DTHD1: variants seen among roughly 807,000 people sequenced by gnomAD.
The protein encoded by DTHD1 is death domain-containing protein 1.
In DTHD1, 59 loss-of-function variants were observed where a neutral mutation model predicts 74.8. That is an observed-to-expected ratio of 0.79 (90% CI 0.64 to 0.98). DTHD1 has a LOEUF of 0.98. Among genes scored for constraint, DTHD1 ranks in the 50% least tolerant of loss-of-function variants. DTHD1 has a pLI of 0.00. For missense variants in DTHD1, 1,051 were observed against 1,065.4 expected (o/e 0.99, Z 0.19); for synonymous variants, 365 against 371.1 (o/e 0.98, Z 0.19).
At chr4:36,312,349 C>T (rs1188264145) in intron 7 of DTHD1, among the ~76,000 whole-genome samples, 1 of 151,898 alleles carries the variant, frequency 6.6e-6, no homozygotes, top group Non-Finnish European at 1.5e-5. Context: ...TCTATCTCTA[C>T]ACCTATATAA....
Position 36,343,675 on chromosome 4 carries a change from T to C in DTHD1, c.2572T>C (p.Ser858Pro). Residue 858 changes from serine (S) to proline (P), a missense_variant, in exon 10 of 10, where the codon TCG (serine) becomes CCG (proline). Transcript: ENST00000639862. ...CGAGTTTCTTTGCTTCTGGAAAAAA[T>C]CGCTTCCAACTTTCACCGACAAACT... ...IHEFLCFWKK[S>P]LPTFTDKLRL... 1.3e-6 allele frequency: 2 copies of C among 1,551,692 alleles called. No individual in the cohort carries two copies. Among genetic ancestry groups the C allele is most frequent in the African/African-American group, 1.4e-5 (1 of 73,108 alleles).
Position 36,343,896 on chromosome 4 carries a change from T to C in DTHD1, c.*72T>C. The C allele has an allele frequency of 7.3e-7, 1 of 1,365,602 alleles. No homozygotes were observed. The highest frequency in any genetic ancestry group is 9.7e-7 in the Non-Finnish European group (1 of 1,027,900). The allele number at this position is 1,365,602 out of a possible 1,614,324, so 84.6% of individuals were successfully genotyped here. ...GTTTTTGTTTCTGTCAACATTTTCC[T>C]GGAAGTTTCCGAATGATATTATTTG... On this transcript the variant is annotated 3_prime_UTR_variant, in exon 10 of 10. Coordinates refer to ENST00000639862, the MANE Select transcript of DTHD1 (RefSeq NM_001170700.3).
chr4:36,306,408 G>A (rs1407695967), intron 6 of DTHD1, 56 bp downstream of exon 6: 1 of 1,426,140 alleles, frequency 7.0e-7, no homozygotes, highest in Admixed American at 2.7e-5. Flanking sequence ...GGTCATAACT[G>A]GTGTTTATAG....
At chr4:36,285,347 A>G (rs1755638521) in intron 2 of DTHD1, among the ~76,000 whole-genome samples, 2 of 152,194 alleles carry the variant, frequency 1.3e-5, no homozygotes, top group Non-Finnish European at 2.9e-5. Flanking sequence ...TATATTCTCA[A>G]GAAAATCATT....
At chr4:36,306,495 A>T (rs939957980) in intron 6 of DTHD1, 143 bp downstream of exon 6, 1 of 906,664 alleles carries the variant, frequency 1.1e-6, no homozygotes, top group Non-Finnish European at 1.5e-6. Context: ...TTAAAATACA[A>T]ACCAGAATTG....
In DTHD1 at chr4:36,284,321, A is replaced by T. The variant is rs1277238800; in HGVS notation, c.617A>T (p.Glu206Val). ...SLNGRVLGQE[E>V]SQNKMFPDNA... ...AATGGACGTGTACTGGGGCAAGAAG[A>T]GTCACAGAATAAAATGTTCCCAGAT... Residue 206 changes from glutamate (E) to valine (V), a missense_variant, in exon 2 of 10, where the codon GAG (glutamate) becomes GTG (valine). By Grantham distance (121) the Glu-to-Val change is moderately radical. Coordinates refer to ENST00000639862, the MANE Select transcript of DTHD1 (RefSeq NM_001170700.3). The T allele has an allele frequency of 6.5e-7, 1 of 1,537,248 alleles. No individual in the cohort carries two copies. The highest frequency in any genetic ancestry group is 8.7e-7 in the Non-Finnish European group (1 of 1,146,868).
intron 5 of DTHD1, among the ~76,000 whole-genome samples, chr4:36,300,443 C>A (rs1756692961): frequency 6.6e-6 from 1 of 152,152 alleles, no homozygotes; most frequent in South Asian, 2.1e-4. Context: ...AAGGTGTTTG[C>A]CATCTTAGTA....
Position 36,308,220 on chromosome 4 carries a change from C to A in DTHD1, c.1822C>A (p.Leu608Ile), listed in dbSNP as rs376898600. Reference sequence around the variant, plus strand: ...TCCATGCAGGTTTATTGTACTTCACCTCTCTTCCACCATGGACAATAGTCA... The same window carrying A: ...TCCATGCAGGTTTATTGTACTTCACATCTCTTCCACCATGGACAATAGTCA... ...EHLERFIVLHLSSTMDNSHLV... is the reference protein window; with the variant it reads ...EHLERFIVLHISSTMDNSHLV... The change falls in exon 7 of 10, where the codon CTC becomes ATC. Residue 608 changes from leucine to isoleucine, a missense_variant. By Grantham distance (5) the Leu-to-Ile change is conservative. Transcript: ENST00000639862. 6.4e-7 allele frequency: 1 copy of A among 1,552,082 alleles called. No homozygotes were observed. The highest frequency in any genetic ancestry group is 1.4e-5 in the African/African-American group (1 of 73,042).
At chr4:36,322,750 T>C (rs549423052) in intron 8 of DTHD1, among the ~76,000 whole-genome samples, 1 of 152,364 alleles carries the variant, frequency 6.6e-6, no homozygotes, top group East Asian at 1.9e-4. Context: ...CTGAAAAGAA[T>C]AATGATTCAC....
rs887724224 is a variant in DTHD1 at position 36,345,299 on chromosome 4, T to C, written c.*1475T>C. On this transcript the variant is annotated 3_prime_UTR_variant, in exon 10 of 10. Transcript: ENST00000639862. Reference sequence around the variant, plus strand: ...ATTAATGTCTAGTATAAGCTTTGAGTTTTTGGAAAGCCTAACGCCCTTTAG... The same window carrying C: ...ATTAATGTCTAGTATAAGCTTTGAGCTTTTGGAAAGCCTAACGCCCTTTAG... 4 of 152,158 alleles carry C rather than the reference T, an allele frequency of 2.6e-5. No homozygotes were observed. The highest frequency in any genetic ancestry group is 4.4e-5 in the Non-Finnish European group (3 of 68,024). The allele number at this position is 152,158 out of a possible 1,614,324, so 9.4% of individuals were successfully genotyped here.
chr4:36,304,410 A>G (rs910233729), intron 5 of DTHD1, among the ~76,000 whole-genome samples: 6 of 152,218 alleles, frequency 3.9e-5, no homozygotes, highest in Admixed American at 3.9e-4. Flanking sequence ...GATCTCCTGA[A>G]GTAACCAATA....
rs1171662123 is a variant in DTHD1, at chr4:36,284,375, T to C, written c.671T>C (p.Ile224Thr). The change falls in exon 2 of 10, where the codon ATA becomes ACA. Residue 224 changes from isoleucine to threonine, a missense_variant. By Grantham distance (89) the Ile-to-Thr change is moderately conservative. Coordinates refer to ENST00000639862, the MANE Select transcript of DTHD1 (RefSeq NM_001170700.3). ...GCAGAAAATGAAGATGATAAACAAA[T>C]AGAACACATGACTGTTGAGAACATA... Reference protein sequence around the residue: ...DNAENEDDKQIEHMTVENING... With the variant: ...DNAENEDDKQTEHMTVENING... The C allele has an allele frequency of 1.2e-5, 19 of 1,536,768 alleles. No individual in the cohort carries two copies. Among genetic ancestry groups the C allele is most frequent in the Non-Finnish European group, 1.7e-5 (19 of 1,146,816 alleles).
Position 36,347,371 on chromosome 4 carries a change from T to C in DTHD1, c.*3547T>C, listed in dbSNP as rs1346575329. ...TCATTCTCATTAATGTATAATATTCTATTATATGCATATATTAAAATTTTC... is the reference window on the plus strand; with the variant it reads ...TCATTCTCATTAATGTATAATATTCCATTATATGCATATATTAAAATTTTC... On this transcript the variant is annotated 3_prime_UTR_variant, in exon 10 of 10. Coordinates refer to ENST00000639862, the MANE Select transcript of DTHD1 (RefSeq NM_001170700.3). Among the ~76,000 whole-genome samples the C allele has an allele frequency of 2.6e-5, 4 of 152,194 alleles. No homozygotes were observed. The highest frequency in any genetic ancestry group is 5.9e-5 in the Non-Finnish European group (4 of 68,018).
intron 2 of DTHD1, 87 bp from the exon 3 acceptor site, chr4:36,290,286 A>T (rs990579698): frequency 7.7e-7 from 1 of 1,298,778 alleles, no homozygotes; most frequent in Non-Finnish European, 1.0e-6. Flanking sequence ...AAGACAATGT[A>T]GATCTAGAGT....
At position 36,281,871 on chromosome 4, in the gene DTHD1, C is replaced by G. The variant is rs1755416949; in HGVS notation, c.113C>G (p.Ala38Gly). 2 of 1,270,004 alleles carry G rather than the reference C, an allele frequency of 1.6e-6. No homozygotes were observed. The highest frequency in any genetic ancestry group is 2.0e-6 in the Non-Finnish European group (2 of 1,005,232). 78.7% of individuals were successfully genotyped at this position (1,270,004 alleles called of 1,614,324 possible). ...ALLGDDLCEGAGGATWMATVV... is the reference protein window; with the variant it reads ...ALLGDDLCEGGGGATWMATVV... Reference sequence around the variant, plus strand: ...TTGGGTGATGACCTTTGTGAGGGGGCTGGTGGGGCCACTTGGATGGCCACT... The same window carrying G: ...TTGGGTGATGACCTTTGTGAGGGGGGTGGTGGGGCCACTTGGATGGCCACT... The change falls in exon 1 of 10, where the codon GCT becomes GGT. Residue 38 changes from alanine to glycine, a missense_variant. Ala to Gly is a moderately conservative substitution (Grantham distance 60). Transcript: ENST00000639862.
intron 7 of DTHD1, chr4:36,315,879 TTAAAA>T (rs1260629472): frequency 6.4e-6 from 1 of 156,628 alleles, no homozygotes; most frequent in Admixed American, 6.3e-5. Context: ...AATCGTATTT[TTAAAA>T]TAAAATAATT....
chr4:36,287,773 T>A (rs1239575204), intron 2 of DTHD1, among the ~76,000 whole-genome samples: 1 of 152,234 alleles, frequency 6.6e-6, no homozygotes, highest in African/African-American at 2.4e-5. Context: ...GTTGACCATT[T>A]GCATATCTTC....
At chr4:36,326,741 C>T (rs955461300) in intron 8 of DTHD1, among the ~76,000 whole-genome samples, 2 of 152,206 alleles carry the variant, frequency 1.3e-5, no homozygotes, top group African/African-American at 2.4e-5. Context: ...AGAAGCCTTA[C>T]CTGTTTTCTT....
chr4:36,312,284 C>T (rs745536784), intron 7 of DTHD1, among the ~76,000 whole-genome samples: 2 of 151,452 alleles, frequency 1.3e-5, no homozygotes, highest in African/African-American at 2.4e-5. Context: ...GCCCTGAATG[C>T]CCTTTGGCCC....
Sources: allele counts gnomAD v4.1 joint callset (sites outside exome capture counted in the v4.1 genomes callset), GRCh38; gene constraint gnomAD v4.1.1; transcripts MANE v1.5; gene names NCBI Gene and HGNC (gene_info 2026-07-23, HGNC 2026-07-21).